The following CCNY variants were observed in gnomAD, a reference collection of about 807,000 sequenced individuals.
The protein encoded by CCNY is cyclin Y, also known as cyclin-Y.
CCNY carries 19 observed loss-of-function variants against 42.8 expected under a neutral mutation model. That is an observed-to-expected ratio of 0.44 (90% CI 0.31 to 0.65). The LOEUF (loss-of-function observed/expected upper bound fraction) is 0.65, where lower values mean the gene tolerates loss of function less well. Among genes scored for constraint, CCNY ranks in the 30% least tolerant of loss-of-function variants. The probability of loss-of-function intolerance (pLI) is 0.07; values close to 1 mark genes in which losing one functional copy is unlikely to be tolerated. For synonymous variants in CCNY, 165 were observed against 162.7 expected, an observed-to-expected ratio of 1.01 and a Z score of -0.11; for missense variants, 370 against 437.3, an observed-to-expected ratio of 0.85 and a Z score of 1.37.
At chr10:35,485,724 C>CAAAAAAAAAA (rs60570748) in intron 2 of CCNY, among the ~76,000 whole-genome samples, 17 of 97,780 alleles carry the variant, frequency 1.7e-4, no homozygotes, top group African/African-American at 6.2e-4. Flanking sequence ...GACTCCGTCT[C>CAAAAAAAAAA]AAAAAAAAAA....
At chr10:35,469,708 CTGGAGAGACAGATAGGGAGA>C (rs1439711935) in intron 1 of CCNY, among the ~76,000 whole-genome samples, 1 of 136,740 alleles carries the variant, frequency 7.3e-6, no homozygotes, top group African/African-American at 2.8e-5. Context: ...AGATAGGGCA[CTGGAGAGACAGATAGGGAGA>C]TGGAGAGACA....
At chr10:35,500,993 A>G (rs1174678418) in intron 2 of CCNY, among the ~76,000 whole-genome samples, 1 of 152,212 alleles carries the variant, frequency 6.6e-6, no homozygotes, top group Non-Finnish European at 1.5e-5. Flanking sequence ...TGTATTCACC[A>G]GCACCCAGCA....
chr10:35,566,872 AT>A (rs1010106518), intron 9 of CCNY, among the ~76,000 whole-genome samples: 2 of 148,196 alleles, frequency 1.3e-5, no homozygotes, highest in African/African-American at 2.5e-5. Flanking sequence ...CGCCCAGCTA[AT>A]TTTTTTTTGT....
In CCNY at chr10:35,431,963, G is replaced by A. The variant is rs116505714; in HGVS notation, c.155-51441G>A. On this transcript the variant is annotated intron_variant, in intron 1 of 9. Transcript: ENST00000374704. Reference sequence around the variant, plus strand: ...GGTATGGAAGTTTATAAGGTATTCAGTTCTGTGTCTGAGAAAAATTATGGT... The same window carrying A: ...GGTATGGAAGTTTATAAGGTATTCAATTCTGTGTCTGAGAAAAATTATGGT... 3.0e-3 allele frequency among the ~76,000 whole-genome samples: 455 copies of A among 152,284 alleles called. 1 individual carries two copies. The highest frequency in any genetic ancestry group is 0.01 in the African/African-American group (431 of 41,540).
chr10:35,382,662 G>T (rs965929453), intron 1 of CCNY, among the ~76,000 whole-genome samples: 11 of 152,132 alleles, frequency 7.2e-5, no homozygotes, highest in African/African-American at 2.4e-4. Context: ...GAATTACCGG[G>T]CCCAGTTGTC....
At chr10:35,320,707 G>A (rs1253076524) in intron 3 of CCNY, 1 of 152,206 alleles carries the variant, frequency 6.6e-6, no homozygotes, top group Non-Finnish European at 1.5e-5. Context: ...GATTGTGTAT[G>A]TAGAAACATT....
intron 7 of CCNY, among the ~76,000 whole-genome samples, chr10:35,533,643 A>T (rs1298310956): frequency 6.6e-6 from 1 of 152,058 alleles, no homozygotes; most frequent in Non-Finnish European, 1.5e-5. Flanking sequence ...ACCATATCTG[A>T]AGTTGCAACC....
At chr10:35,323,082 T>C (rs970460401) in intron 3 of CCNY, among the ~76,000 whole-genome samples, 1 of 152,156 alleles carries the variant, frequency 6.6e-6, no homozygotes, top group South Asian at 2.1e-4. Context: ...TGTGCCACCA[T>C]GCGTGGCAAA....
chr10:35,355,355 G>A (rs1490779797), intron 1 of CCNY, among the ~76,000 whole-genome samples: 1 of 152,090 alleles, frequency 6.6e-6, no homozygotes, highest in Non-Finnish European at 1.5e-5. Flanking sequence ...TAAAAGTAAA[G>A]TTAAGGCTAA....
rs541659466 is a variant in CCNY, at chr10:35,456,070, A to G, written c.155-27334A>G. Among the ~76,000 whole-genome samples the G allele has an allele frequency of 4.3e-4, 65 of 152,210 alleles. 1 individual carries two copies. The highest frequency in any genetic ancestry group is 3.4e-3 in the Middle Eastern group (1 of 294). ...ATCACAGCCCAGTATTTTTCTGCTC[A>G]TGTTTTTCCCCATGTCTTAATGGCT... On this transcript the variant is annotated intron_variant, in intron 1 of 9. Transcript: ENST00000374704.
intron 1 of CCNY, chr10:35,394,943 A>G (rs1208799252): frequency 4.7e-6 from 3 of 634,936 alleles, no homozygotes; most frequent in Non-Finnish European, 5.9e-6. Flanking sequence ...TTCTCTTTGG[A>G]AACTTCACAT....
chr10:35,383,592 G>A (rs1837240162), intron 1 of CCNY, among the ~76,000 whole-genome samples: 1 of 152,186 alleles, frequency 6.6e-6, no homozygotes, highest in African/African-American at 2.4e-5. Context: ...ACAGGCATGA[G>A]CCCTCGTGCC....
intron 3 of CCNY, among the ~76,000 whole-genome samples, chr10:35,288,532 T>C (rs1835379137): frequency 6.6e-6 from 1 of 152,206 alleles, no homozygotes; most frequent in Non-Finnish European, 1.5e-5. Context: ...TAATGGTTTG[T>C]GCTTTTGTGC....
chr10:35,539,697 G>A (rs1218790423), intron 7 of CCNY, among the ~76,000 whole-genome samples: 1 of 152,200 alleles, frequency 6.6e-6, no homozygotes. Flanking sequence ...TGAGGCAGGA[G>A]AATCGCTTGA....
intron 1 of CCNY, among the ~76,000 whole-genome samples, chr10:35,465,938 A>AGTGTGTGTGTGTGT (rs1312410028): frequency 1.2e-4 from 10 of 81,020 alleles, no homozygotes; most frequent in African/African-American, 4.4e-4. Flanking sequence ...AGAGAGAGAG[A>AGTGTGTGTGTGTGT]GTGTGTGTGT....
chr10:35,566,707 G>GT (rs1460886785), intron 9 of CCNY, among the ~76,000 whole-genome samples: 5 of 151,768 alleles, frequency 3.3e-5, no homozygotes, highest in Non-Finnish European at 5.9e-5. Context: ...AAGGTTTTTT[G>GT]TTTTTTTGGG....
At chr10:35,300,949 C>T (rs535966090) in intron 3 of CCNY, among the ~76,000 whole-genome samples, 4 of 152,136 alleles carry the variant, frequency 2.6e-5, no homozygotes, top group East Asian at 1.9e-4. Context: ...GGATTACAGG[C>T]GGCCACCACC....
chr10:35,474,742 C>A (rs1409111233), intron 1 of CCNY, among the ~76,000 whole-genome samples: 3 of 152,182 alleles, frequency 2.0e-5, no homozygotes, highest in Non-Finnish European at 2.9e-5. Flanking sequence ...CAGAGCGCCT[C>A]TCCTCCTCCA....
intron 1 of CCNY, among the ~76,000 whole-genome samples, chr10:35,362,626 C>CT (rs1836710668): frequency 6.6e-6 from 1 of 152,002 alleles, no homozygotes; most frequent in Admixed American, 6.6e-5. Flanking sequence ...AAAAAGTAAA[C>CT]TTTAATGTCA....
Sources: gnomAD v4.1 joint callset for allele counts (sites outside exome capture counted in the v4.1 genomes callset) on GRCh38, gnomAD v4.1.1 for gene constraint, MANE v1.5 for transcripts, NCBI Gene and HGNC (gene_info 2026-07-23, HGNC 2026-07-21) for gene names.